IP6K1: variants seen among roughly 807,000 people sequenced by gnomAD.
IP6K1 encodes inositol hexakisphosphate kinase 1.
IP6K1 carries 13 observed loss-of-function variants against 38.3 expected under a neutral mutation model. The observed-to-expected ratio is 0.34, with a 90% CI of 0.22 to 0.54. The LOEUF (loss-of-function observed/expected upper bound fraction) is 0.54, where lower values mean the gene tolerates loss of function less well. IP6K1 is among the 20% of genes least tolerant of loss of function. The pLI, the probability that IP6K1 is intolerant of heterozygous loss-of-function variation, is 0.92. For synonymous variants in IP6K1, 212 were observed against 229.9 expected, an observed-to-expected ratio of 0.92 and a Z score of 0.70; for missense variants, 397 against 599.8, an observed-to-expected ratio of 0.66 and a Z score of 3.53.
In IP6K1 at chr3:49,732,801, T is replaced by C. The variant is rs2080574763; in HGVS notation, c.606A>G (p.Arg202=). ...GGGCAACGAGGATACTGTAGAGCTT[T>C]CGGTCCTTGGACTCGGAGCGCATGC... The part of the protein sequence containing the change: ...LSRMRSESKD[R]KLYKFLLLEN... The change falls in exon 4 of 6, where the codon CGA becomes CGG. Residue 202 remains arginine, a synonymous_variant. Coordinates refer to ENST00000321599, the MANE Select transcript of IP6K1 (RefSeq NM_153273.4). The C allele has an allele frequency of 1.9e-6, 3 of 1,613,266 alleles. No homozygotes were observed. Among genetic ancestry groups the C allele is most frequent in the Non-Finnish European group, 2.5e-6 (3 of 1,179,614 alleles).
At chr3:49,750,910 ACT>A (rs1265150466) in intron 1 of IP6K1, among the ~76,000 whole-genome samples, 1 of 152,106 alleles carries the variant, frequency 6.6e-6, no homozygotes, top group Non-Finnish European at 1.5e-5. Flanking sequence ...CATATCTGTA[ACT>A]CTGTTTTGAT....
At position 49,772,243 on chromosome 3, in the gene IP6K1, G is replaced by A. The variant is rs891712986; in HGVS notation, c.-129+14111C>T. 1.5e-4 allele frequency among the ~76,000 whole-genome samples: 22 copies of A among 142,104 alleles called. No homozygotes were observed. In the East Asian group the frequency reaches 2.0e-3, roughly 13 times the overall value. The allele number at this position is 142,104 out of a possible 152,430, so 93.2% of individuals were successfully genotyped here. ...AAAAAAAATATATATATATATATAT[G>A]TGTGTGTGTGTGTAACACATATATA... On this transcript the variant is annotated intron_variant, in intron 1 of 5. Coordinates refer to ENST00000321599, the MANE Select transcript of IP6K1 (RefSeq NM_153273.4).
intron 1 of IP6K1, among the ~76,000 whole-genome samples, chr3:49,750,376 C>T (rs1381858672): frequency 6.6e-6 from 1 of 152,088 alleles, no homozygotes; most frequent in Admixed American, 6.6e-5. Flanking sequence ...TGCCAGGTGA[C>T]CCAGAAGAAT....
At chr3:49,755,927 A>G (rs1209036088) in intron 1 of IP6K1, among the ~76,000 whole-genome samples, 1 of 152,168 alleles carries the variant, frequency 6.6e-6, no homozygotes, top group Non-Finnish European at 1.5e-5. Flanking sequence ...TGAGGGTGAG[A>G]GAGAACAATC....
At chr3:49,773,436 C>T (rs904941818) in intron 1 of IP6K1, among the ~76,000 whole-genome samples, 14 of 152,118 alleles carry the variant, frequency 9.2e-5, no homozygotes, top group Admixed American at 8.5e-4. Flanking sequence ...CAGTGAAACC[C>T]CATCTCTACT....
intron 1 of IP6K1, among the ~76,000 whole-genome samples, chr3:49,754,269 A>G (rs755613545): frequency 6.6e-6 from 1 of 151,950 alleles, no homozygotes; most frequent in Non-Finnish European, 1.5e-5. Context: ...CCAGCTACTC[A>G]GGAGACTGAG....
intron 1 of IP6K1, among the ~76,000 whole-genome samples, chr3:49,753,197 AC>A (rs1190716503): frequency 7.9e-5 from 12 of 152,118 alleles, no homozygotes; most frequent in African/African-American, 2.7e-4. Context: ...CTCCAGCCAT[AC>A]TGGCCTTCAT....
intron 1 of IP6K1, among the ~76,000 whole-genome samples, chr3:49,777,903 G>A (rs1365009771): frequency 6.6e-6 from 1 of 151,930 alleles, no homozygotes; most frequent in Non-Finnish European, 1.5e-5. Flanking sequence ...GACAGAGCGA[G>A]ACTCTGTGGC....
chr3:49,777,359 C>G (rs537087796), intron 1 of IP6K1, among the ~76,000 whole-genome samples: 3 of 151,812 alleles, frequency 2.0e-5, no homozygotes, highest in African/African-American at 7.3e-5. Flanking sequence ...GTCAAGAGAT[C>G]GAAACCATCC....
intron 2 of IP6K1, among the ~76,000 whole-genome samples, chr3:49,739,832 T>A (rs2108229927): frequency 6.6e-6 from 1 of 151,824 alleles, no homozygotes. Context: ...CTGGCCAACA[T>A]GTCGAAACCC....
At chr3:49,755,361 C>T (rs1183548891) in intron 1 of IP6K1, among the ~76,000 whole-genome samples, 1 of 152,078 alleles carries the variant, frequency 6.6e-6, no homozygotes, top group Non-Finnish European at 1.5e-5. Flanking sequence ...ATTTCTATTA[C>T]CTCTTCTAAA....
chr3:49,745,080 A>G (rs970420961), intron 2 of IP6K1, among the ~76,000 whole-genome samples: 8 of 152,160 alleles, frequency 5.3e-5, no homozygotes, highest in Non-Finnish European at 8.8e-5. Flanking sequence ...CCCTGAACTC[A>G]TAAGTGTAAA....
At chr3:49,777,663 C>T (rs561265245) in intron 1 of IP6K1, among the ~76,000 whole-genome samples, 105 of 152,148 alleles carry the variant, frequency 6.9e-4, no homozygotes, top group Admixed American at 4.1e-3. Flanking sequence ...GCCTGTAATC[C>T]CAGCACTTTG....
intron 2 of IP6K1, among the ~76,000 whole-genome samples, chr3:49,740,078 T>G (rs1472648944): frequency 6.6e-6 from 1 of 152,052 alleles, no homozygotes; most frequent in African/African-American, 2.4e-5. Flanking sequence ...TCCAGCTCTT[T>G]GGGAGGCCAA....
At chr3:49,740,454 AAT>A (rs1422045640) in intron 2 of IP6K1, among the ~76,000 whole-genome samples, 1 of 152,064 alleles carries the variant, frequency 6.6e-6, no homozygotes, top group Non-Finnish European at 1.5e-5. Context: ...CTATTTCCAA[AAT>A]GTTTTTCATC....
At chr3:49,756,545 C>T (rs974286331) in intron 1 of IP6K1, among the ~76,000 whole-genome samples, 1 of 152,130 alleles carries the variant, frequency 6.6e-6, no homozygotes, top group Admixed American at 6.6e-5. Flanking sequence ...GGGCCGGGCG[C>T]AGTGGCTCAT....
intron 4 of IP6K1, among the ~76,000 whole-genome samples, chr3:49,728,899 GAA>G (rs1180329865): frequency 1.3e-5 from 2 of 151,292 alleles, no homozygotes; most frequent in East Asian, 2.0e-4. Context: ...TTCCCAAAAT[GAA>G]AAGAGATCCT....
At chr3:49,731,770 C>T (rs1264818535) in intron 4 of IP6K1, among the ~76,000 whole-genome samples, 1 of 151,766 alleles carries the variant, frequency 6.6e-6, no homozygotes, top group Non-Finnish European at 1.5e-5. Context: ...CGCCTGTAAT[C>T]CCAGCTACTG....
intron 1 of IP6K1, among the ~76,000 whole-genome samples, chr3:49,762,551 AAAT>A (rs531165498): frequency 2.2e-4 from 33 of 150,990 alleles, no homozygotes; most frequent in African/African-American, 3.2e-4. Context: ...CTCTGTCTCA[AAAT>A]AATAATAATA....
Sources: allele counts gnomAD v4.1 joint callset (sites outside exome capture counted in the v4.1 genomes callset), GRCh38; gene constraint gnomAD v4.1.1; transcripts MANE v1.5; gene names NCBI Gene and HGNC (gene_info 2026-07-23, HGNC 2026-07-21).